The following SNED1 variants were observed in gnomAD, a reference collection of about 807,000 sequenced individuals.
SNED1 encodes sushi, nidogen and EGF-like domain-containing protein 1.
SNED1 carries 81 observed loss-of-function variants against 166.7 expected under a neutral mutation model. The observed-to-expected ratio is 0.49, with a 90% CI of 0.41 to 0.58. SNED1 has a LOEUF of 0.58. Among genes scored for constraint, SNED1 ranks in the 20% least tolerant of loss-of-function variants. The probability of loss-of-function intolerance (pLI) is 0.00; values close to 1 mark genes in which losing one functional copy is unlikely to be tolerated. For missense variants in SNED1, 1,604 were observed against 2,000.2 expected (o/e 0.80, Z 3.78); for synonymous variants, 762 against 822.0 (o/e 0.93, Z 1.25).
intron 1 of SNED1, among the ~76,000 whole-genome samples, chr2:241,025,456 C>T (rs2060930516): frequency 6.6e-6 from 1 of 152,200 alleles, no homozygotes; most frequent in Admixed American, 6.5e-5. Flanking sequence ...CTGGGAAATG[C>T]AATGACCTTG....
chr2:241,009,247 T>G (rs1246538072), intron 1 of SNED1, among the ~76,000 whole-genome samples: 1 of 151,976 alleles, frequency 6.6e-6, no homozygotes, highest in African/African-American at 2.4e-5. Context: ...GTGGACAGGC[T>G]GAAGGCAGCA....
chr2:241,009,511 A>T (rs894069269), intron 1 of SNED1, among the ~76,000 whole-genome samples: 47 of 152,136 alleles, frequency 3.1e-4, no homozygotes, highest in African/African-American at 1.1e-3. Flanking sequence ...GGAGAGGGAG[A>T]GGCTGTGAGG....
chr2:241,047,639 G>GA (rs1251681942), intron 8 of SNED1, among the ~76,000 whole-genome samples: 1 of 152,252 alleles, frequency 6.6e-6, no homozygotes, highest in African/African-American at 2.4e-5. Flanking sequence ...AAGATATCTG[G>GA]AAAATCCCAA....
chr2:241,007,082 T>C (rs1032216603), intron 1 of SNED1, among the ~76,000 whole-genome samples: 1 of 152,182 alleles, frequency 6.6e-6, no homozygotes, highest in Non-Finnish European at 1.5e-5. Context: ...AACATATAAA[T>C]GAGGGGGAAA....
Position 241,064,302 on chromosome 2 carries a change from T to A in SNED1, c.2599+177T>A, listed in dbSNP as rs1187863015. Among the ~76,000 whole-genome samples the A allele has an allele frequency of 6.6e-6, 1 of 151,338 alleles. No homozygotes were observed. The highest frequency in any genetic ancestry group is 1.5e-5 in the Non-Finnish European group (1 of 67,834). On this transcript the variant is annotated intron_variant, in intron 19 of 31. Coordinates refer to ENST00000310397, the MANE Select transcript of SNED1 (RefSeq NM_001080437.3). This position sits in a 1 kb window ranked among gnomAD's most constrained non-coding sequence, Gnocchi z 7.0. ...GCCAGTGGCCCTCCGCCTGTCTCCCTTGGTCCCACAATGGTGCCTTCTAAA... is the reference window on the plus strand; with the variant it reads ...GCCAGTGGCCCTCCGCCTGTCTCCCATGGTCCCACAATGGTGCCTTCTAAA...
In SNED1 at chr2:241,049,101, C is replaced by T. The variant is rs529412003; in HGVS notation, c.1584C>T (p.Leu528=). ...GCATGGAGCACGGCGGGAGCTACCT[C>T]TGCGTCTGCCACACCGACCACAATG... ...GYCMEHGGSY[L]CVCHTDHNAS... is the part of the protein sequence containing the mutation. The change falls in exon 11 of 32, where the codon CTC becomes CTT. Residue 528 remains leucine, a synonymous_variant. Coordinates refer to ENST00000310397, the MANE Select transcript of SNED1 (RefSeq NM_001080437.3). 1 of 1,612,140 alleles carries T rather than the reference C, an allele frequency of 6.2e-7. No homozygotes were observed. Among genetic ancestry groups the T allele is most frequent in the Admixed American group, 1.7e-5 (1 of 59,896 alleles).
At chr2:241,052,600 T>TGGG in intron 15 of SNED1, 132 bp downstream of exon 15, 1 of 625,038 alleles carries the variant, frequency 1.6e-6, no homozygotes, top group East Asian at 3.3e-5. Flanking sequence ...CCAAGCAGGA[T>TGGG]ATATGGGATA....
chr2:241,087,651 G>C, intron 30 of SNED1, 176 bp downstream of exon 30: 1 of 1,411,568 alleles, frequency 7.1e-7, no homozygotes. Flanking sequence ...GTCCATATAT[G>C]TGCATGTGAG....
chr2:241,046,196 A>G (rs1182459543), intron 8 of SNED1, among the ~76,000 whole-genome samples: 1 of 152,230 alleles, frequency 6.6e-6, no homozygotes, highest in Non-Finnish European at 1.5e-5. Flanking sequence ...ACTCTCACAC[A>G]TTTTTAGTGG....
rs1296951820 is a variant in SNED1 at position 241,090,519 on chromosome 2, G to A, written c.*2-1119G>A. On this transcript the variant is annotated intron_variant, in intron 31 of 31. Transcript: ENST00000310397. ...ATCACAAATTATCATCAAGTATTAT[G>A]TACTCTACATAATTGTATGTGCTAG... 4.1e-6 allele frequency: 6 copies of A among 1,457,516 alleles called. No individual in the cohort carries two copies. In the East Asian group the frequency reaches 7.5e-5, roughly 18 times the overall value. The allele number at this position is 1,457,516 out of a possible 1,614,324, so 90.3% of individuals were successfully genotyped here. A position where few individuals can be genotyped will look rare whatever the true frequency, so the allele number is the denominator to read the frequency against.
At chr2:241,077,715 G>A (rs1209259182) in intron 27 of SNED1, among the ~76,000 whole-genome samples, 2 of 152,192 alleles carry the variant, frequency 1.3e-5, no homozygotes, top group African/African-American at 4.8e-5. Flanking sequence ...CTGCAAGGAA[G>A]ATATGCAAAT....
At chr2:241,021,642 T>C (rs2060777397) in intron 1 of SNED1, among the ~76,000 whole-genome samples, 1 of 152,238 alleles carries the variant, frequency 6.6e-6, no homozygotes, top group Non-Finnish European at 1.5e-5. Flanking sequence ...CCAAATAATA[T>C]TTTATTTGTT....
chr2:241,063,284 C>G (rs12464946), intron 17 of SNED1: 263,393 of 499,228 alleles, frequency 0.53, 69,914 homozygotes, highest in East Asian at 0.59. Context: ...GAAACGCAGG[C>G]TCCAGGGAGG....
intron 6 of SNED1, among the ~76,000 whole-genome samples, chr2:241,038,089 C>T (rs1461054102): frequency 1.3e-5 from 2 of 150,602 alleles, no homozygotes; most frequent in Non-Finnish European, 3.0e-5. Flanking sequence ...AATTCCTGCT[C>T]TCCATCTCAC....
At chr2:241,071,527 G>A in intron 24 of SNED1, 49 bp from the exon 25 acceptor site, 1 of 1,553,090 alleles carries the variant, frequency 6.4e-7, no homozygotes, top group South Asian at 1.2e-5. Flanking sequence ...GCAGGGACAG[G>A]AGCAGAGGGC....
chr2:241,032,014 G>A (rs1483696557), intron 2 of SNED1, among the ~76,000 whole-genome samples: 3 of 152,160 alleles, frequency 2.0e-5, no homozygotes, highest in African/African-American at 7.2e-5. Flanking sequence ...ATGTTTAGAA[G>A]GGAGATTGCC....
chr2:241,060,041 C>T (rs1416184960), intron 16 of SNED1, among the ~76,000 whole-genome samples: 1 of 151,980 alleles, frequency 6.6e-6, no homozygotes, highest in Non-Finnish European at 1.5e-5. Flanking sequence ...CAACTAGATC[C>T]CAGGATACAG....
At chr2:241,034,818 A>T in intron 4 of SNED1, 88 bp downstream of exon 4, 1 of 1,387,300 alleles carries the variant, frequency 7.2e-7, no homozygotes, top group Non-Finnish European at 9.7e-7. Flanking sequence ...AGGGGGCTGG[A>T]TGCTGACGGG....
chr2:241,089,349 T>G lies in SNED1; in HGVS notation c.*1+947T>G, dbSNP rs2063758735. On this transcript the variant is annotated intron_variant, in intron 31 of 31. Transcript: ENST00000310397. The stretch of plus-strand genomic sequence containing the variant: ...GTAACAAGCCACTTCAAAACAGGTC[T>G]ATGTTTTGTTACGTGCCTAAAAAAA... 1.9e-6 allele frequency: 3 copies of G among 1,550,614 alleles called. No individual in the cohort carries two copies. In the South Asian group the frequency reaches 3.6e-5, roughly 18 times the overall value.
Sources: allele counts gnomAD v4.1 joint callset (sites outside exome capture counted in the v4.1 genomes callset), GRCh38; gene constraint gnomAD v4.1.1; non-coding constraint Gnocchi (gnomAD v3.1); transcripts MANE v1.5; gene names NCBI Gene and HGNC (gene_info 2026-07-23, HGNC 2026-07-21).